The following DCDC2 variants were observed in gnomAD, a reference collection of about 807,000 sequenced individuals.
DCDC2 encodes the protein doublecortin domain-containing protein 2.
In DCDC2, 40 loss-of-function variants were observed where a neutral mutation model predicts 50.2. The observed-to-expected ratio is 0.80, with a 90% CI of 0.62 to 1.04. DCDC2 has a LOEUF of 1.04. Among genes scored for constraint, DCDC2 ranks in the 50% least tolerant of loss-of-function variants. The pLI, the probability that DCDC2 is intolerant of heterozygous loss-of-function variation, is 0.00. For synonymous variants in DCDC2, 234 were observed against 210.6 expected (o/e 1.11, Z -0.96); for missense variants, 570 against 581.9 (o/e 0.98, Z 0.21).
intron 2 of DCDC2, among the ~76,000 whole-genome samples, chr6:24,315,168 T>A (rs1392635717): frequency 1.3e-5 from 1 of 76,344 alleles, no homozygotes; most frequent in East Asian, 5.4e-4. Context: ...GATATTGATC[T>A]TTGCTTTTTT....
rs145225034 is a variant in DCDC2, at chr6:24,261,991, C to G, written c.922+16058G>C. Among the ~76,000 whole-genome samples the G allele has an allele frequency of 5.3e-5, 8 of 152,198 alleles. No individual in the cohort carries two copies. In the East Asian group the frequency reaches 9.7e-4, roughly 18 times the overall value. On this transcript the variant is annotated intron_variant, in intron 7 of 9. Transcript: ENST00000378454. The stretch of plus-strand genomic sequence containing the variant: ...CAGGAATGCCAAATTGAACAGCTAT[C>G]CACACGAGAAAGCCCCTTCATAAAA...
In DCDC2 at chr6:24,285,526, T is replaced by C. The variant is rs542726616; in HGVS notation, c.759+3326A>G. Among the ~76,000 whole-genome samples the C allele has an allele frequency of 2.6e-5, 4 of 152,320 alleles. No homozygotes were observed. The East Asian group carries it at 7.7e-4, about 29-fold the overall frequency. On this transcript the variant is annotated intron_variant, in intron 6 of 9. Transcript: ENST00000378454. ...GAGTATCAGAGAGAGCATCAGATCT[T>C]TGCGCTCATTGCTGTATCCCTGGGG...
intron 4 of DCDC2, among the ~76,000 whole-genome samples, chr6:24,296,297 C>G (rs1303314581): frequency 1.3e-5 from 2 of 152,148 alleles, no homozygotes; most frequent in Non-Finnish European, 2.9e-5. Flanking sequence ...AAATTGAACT[C>G]CTTCCTTATA....
intron 7 of DCDC2, among the ~76,000 whole-genome samples, chr6:24,258,024 A>G (rs1762929196): frequency 6.6e-6 from 1 of 152,092 alleles, no homozygotes; most frequent in Non-Finnish European, 1.5e-5. Flanking sequence ...CACGGAGGGG[A>G]TTAGAAAGGA....
intron 8 of DCDC2, among the ~76,000 whole-genome samples, chr6:24,196,220 T>C (rs1435174993): frequency 3.2e-5 from 3 of 92,546 alleles, no homozygotes; most frequent in Non-Finnish European, 5.0e-5. Flanking sequence ...GGTTAATAAT[T>C]GGCTTTTTTT....
chr6:24,358,741 T>TA (rs1305322147), upstream of DCDC2, among the ~76,000 whole-genome samples: 1 of 2,156 alleles, frequency 4.6e-4, no homozygotes, highest in East Asian at 0.062. Context: ...TTTATATATA[T>TA]TTTATTTATT....
intron 8 of DCDC2, among the ~76,000 whole-genome samples, chr6:24,180,783 C>G (rs967615102): frequency 2.6e-5 from 4 of 152,022 alleles, no homozygotes; most frequent in African/African-American, 9.7e-5. Context: ...AAACAACTGA[C>G]CAAACTTTTT....
At chr6:24,353,365 C>A in intron 2 of DCDC2, 1 of 648,368 alleles carries the variant, frequency 1.5e-6, no homozygotes, top group South Asian at 1.5e-5. Context: ...ACATATCCTG[C>A]ACATCTTAGA....
chr6:24,204,901 A>T, intron 8 of DCDC2, 101 bp downstream of exon 8: 1 of 1,089,818 alleles, frequency 9.2e-7, no homozygotes, highest in Non-Finnish European at 1.3e-6. Context: ...TAGAGGGTTT[A>T]ATTCATACAG....
At chr6:24,369,133 C>CAAAA in the DCDC2 span, among the ~76,000 whole-genome samples, 3 of 92,808 alleles carry the variant, frequency 3.2e-5, no homozygotes, top group Non-Finnish European at 6.0e-5. Context: ...GACTCTGTCT[C>CAAAA]AAAAAAAAAA....
intron 7 of DCDC2, among the ~76,000 whole-genome samples, chr6:24,224,093 A>C (rs114801279): frequency 4.8e-4 from 73 of 152,258 alleles, no homozygotes; most frequent in African/African-American, 1.7e-3. Context: ...AAGATTCAGG[A>C]AAGTTTTCTC....
chr6:24,370,957 A>G, the DCDC2 span, among the ~76,000 whole-genome samples: 15 of 152,260 alleles, frequency 9.9e-5, no homozygotes, highest in African/African-American at 3.6e-4. Flanking sequence ...CTGGAAGGTG[A>G]TATTAGCAAA....
upstream of DCDC2, among the ~76,000 whole-genome samples, chr6:24,359,402 A>ATTTTATATATTATATATTATATATAT (rs1760608112): frequency 1.9e-5 from 1 of 51,360 alleles, no homozygotes; most frequent in Non-Finnish European, 3.2e-5. Flanking sequence ...TATTATATAT[A>ATTTTATATATTATATATTATATATAT]TTTTATATAT....
intron 8 of DCDC2, among the ~76,000 whole-genome samples, chr6:24,198,079 CAA>C: frequency 6.6e-6 from 1 of 152,208 alleles, no homozygotes; most frequent in South Asian, 2.1e-4. Context: ...GAAAGAAAAT[CAA>C]TACACACAAA....
At chr6:24,307,931 A>G (rs768394769) in intron 2 of DCDC2, among the ~76,000 whole-genome samples, 1 of 152,188 alleles carries the variant, frequency 6.6e-6, no homozygotes, top group Non-Finnish European at 1.5e-5. Context: ...GATGAACTAA[A>G]TTCCAGAGAG....
At chr6:24,206,895 G>A (rs1761726462) in intron 7 of DCDC2, among the ~76,000 whole-genome samples, 1 of 152,058 alleles carries the variant, frequency 6.6e-6, no homozygotes, top group African/African-American at 2.4e-5. Context: ...GGGAGGATGT[G>A]TTTATCAGTG....
chr6:24,174,883 A>C, intron 9 of DCDC2, 49 bp from the exon 10 acceptor site: 1 of 1,250,434 alleles, frequency 8.0e-7, no homozygotes, highest in Non-Finnish European at 1.1e-6. Flanking sequence ...TTGGTTCACA[A>C]AGGTAATGAC....
intron 7 of DCDC2, among the ~76,000 whole-genome samples, chr6:24,245,250 G>A (rs2113794610): frequency 6.6e-6 from 1 of 152,278 alleles, no homozygotes; most frequent in African/African-American, 2.4e-5. Flanking sequence ...TGCTTCAAGA[G>A]GAAATGGACA....
At chr6:24,278,011 ATTGTATCACAGCC>A in intron 7 of DCDC2, 25 bp downstream of exon 7, 1 of 1,515,512 alleles carries the variant, frequency 6.6e-7, no homozygotes, top group Non-Finnish European at 9.0e-7. Flanking sequence ...AAGAATTAAA[ATTGTATCACAGCC>A]TTAAGATAAT....
Sources: gnomAD v4.1 joint callset for allele counts (sites outside exome capture counted in the v4.1 genomes callset) on GRCh38, gnomAD v4.1.1 for gene constraint, MANE v1.5 for transcripts, NCBI Gene and HGNC (gene_info 2026-07-23, HGNC 2026-07-21) for gene names.